CFAP53: variants seen among roughly 807,000 people sequenced by gnomAD.
CFAP53 encodes cilia and flagella associated protein 53, also known as cilia- and flagella-associated protein 53.
In CFAP53, 62 loss-of-function variants were observed where a neutral mutation model predicts 59.7. The observed-to-expected ratio is 1.04, with a 90% CI of 0.85 to 1.28. The LOEUF (loss-of-function observed/expected upper bound fraction) is 1.28. CFAP53 is among the 50% of genes most tolerant of loss of function. The pLI, the probability that CFAP53 is intolerant of heterozygous loss-of-function variation, is 0.00. For synonymous variants in CFAP53, 218 were observed against 205.7 expected, an observed-to-expected ratio of 1.06 and a Z score of -0.51; for missense variants, 629 against 615.6, an observed-to-expected ratio of 1.02 and a Z score of -0.23.
intron 3 of CFAP53, among the ~76,000 whole-genome samples, chr18:50,255,215 T>A (rs1752585029): frequency 6.6e-6 from 1 of 152,210 alleles, no homozygotes; most frequent in South Asian, 2.1e-4. Context: ...TGTGATTCCA[T>A]TTATATAACA....
chr18:50,240,625 T>G (rs975124307), intron 6 of CFAP53, among the ~76,000 whole-genome samples: 1 of 152,240 alleles, frequency 6.6e-6, no homozygotes, highest in African/African-American at 2.4e-5. Context: ...CATCTCTCTC[T>G]GTGCTGACTT....
At chr18:50,254,133 A>AT (rs35135806) in intron 3 of CFAP53, among the ~76,000 whole-genome samples, 95,670 of 131,624 alleles carry the variant, frequency 0.73, 31,381 homozygotes, top group East Asian at 0.83. Flanking sequence ...AGAAAAAACC[A>AT]TTTAAAAAAA....
At chr18:50,241,907 A>G (rs748997968) in intron 6 of CFAP53, among the ~76,000 whole-genome samples, 5 of 152,162 alleles carry the variant, frequency 3.3e-5, no homozygotes, top group Admixed American at 3.3e-4. Context: ...GAATTTCCCA[A>G]TCCTAGTAAG....
intron 5 of CFAP53, among the ~76,000 whole-genome samples, chr18:50,249,862 G>A (rs1272074847): frequency 6.6e-6 from 1 of 152,196 alleles, no homozygotes; most frequent in Non-Finnish European, 1.5e-5. Context: ...GGGAACCAGA[G>A]TAAAGGGTAC....
At chr18:50,248,484 C>T (rs1201948211) in intron 5 of CFAP53, among the ~76,000 whole-genome samples, 1 of 152,082 alleles carries the variant, frequency 6.6e-6, no homozygotes, top group Non-Finnish European at 1.5e-5. Context: ...GCATTTATCT[C>T]ATAGAAATGA....
At chr18:50,228,205 C>T (rs897929129) in intron 7 of CFAP53, among the ~76,000 whole-genome samples, 1 of 150,862 alleles carries the variant, frequency 6.6e-6, no homozygotes. Context: ...GTGATCTGCC[C>T]GCCTCAGCCT....
Position 50,238,592 on chromosome 18 carries a change from C to CA in CFAP53, c.1316+10dup. 6.3e-7 allele frequency: 1 copy of CA among 1,599,292 alleles called. No homozygotes were observed. The highest frequency in any genetic ancestry group is 8.5e-7 in the Non-Finnish European group (1 of 1,170,024). ...AGGTAGCAAATGATGATACAGAAAA[C>CA]AAAATCATACCTTGCAAAATTCTCC... is the stretch of plus-strand genomic sequence containing the variant. On this transcript the variant is annotated intron_variant, in intron 7 of 7. Transcript: ENST00000398545.
chr18:50,245,976 C>A (rs879887819), intron 5 of CFAP53, among the ~76,000 whole-genome samples: 1 of 152,120 alleles, frequency 6.6e-6, no homozygotes, highest in Admixed American at 6.5e-5. Flanking sequence ...CTGCAACGTC[C>A]GCCTCCCGGA....
chr18:50,242,440 A>C (rs2033699232), intron 6 of CFAP53, among the ~76,000 whole-genome samples: 1 of 152,268 alleles, frequency 6.6e-6, no homozygotes, highest in Non-Finnish European at 1.5e-5. Flanking sequence ...AAATTATAAA[A>C]GTATTAATTT....
chr18:50,236,293 A>G (rs971312729), intron 7 of CFAP53, among the ~76,000 whole-genome samples: 1 of 151,988 alleles, frequency 6.6e-6, no homozygotes, highest in African/African-American at 2.4e-5. Flanking sequence ...GAGTTTTCCT[A>G]CTTTCTCTAG....
intron 5 of CFAP53, among the ~76,000 whole-genome samples, chr18:50,247,504 C>T (rs1164382527): frequency 1.3e-5 from 2 of 152,160 alleles, no homozygotes; most frequent in Non-Finnish European, 2.9e-5. Flanking sequence ...AAAATGTGTA[C>T]ATGAATGTTC....
Position 50,243,087 on chromosome 18 carries a change from G to T in CFAP53, c.1026C>A (p.Tyr342Ter). ...REDMIREQKIYHKYLAQRREE... is the reference protein window; with the variant it reads ...REDMIREQKI ...CACGTCTCTGTGCCAAATATTTATG[G>T]TATATCTTCTGTTCTCTTATCATAT... Residue 342 changes from tyrosine (Y) to a stop codon, truncating the protein, a stop_gained, in exon 6 of 8, where the codon TAC (tyrosine) becomes TAA (stop). Coordinates refer to ENST00000398545, the MANE Select transcript of CFAP53 (RefSeq NM_145020.5). LOFTEE classifies it high-confidence loss of function. 1 of 1,612,462 alleles carries T rather than the reference G, an allele frequency of 6.2e-7. No individual in the cohort carries two copies. Among genetic ancestry groups the T allele is most frequent in the Non-Finnish European group, 8.5e-7 (1 of 1,179,206 alleles).
In CFAP53 at chr18:50,250,761, T is replaced by C. The variant is rs780902052; in HGVS notation, c.993A>G (p.Lys331=). 37 of 1,613,776 alleles carry C rather than the reference T, an allele frequency of 2.3e-5. No individual in the cohort carries two copies. The Middle Eastern group carries it at 4.9e-4, about 22-fold the overall frequency. ...LQEEADKKKQ[K]REDMIREQKI... The stretch of plus-strand genomic sequence containing the variant: ...AGGCACCAAAAAAATGTCTTACTCT[T>C]TTTTGTTTCTTTTTATCTGCCTCTT... Residue 331 remains lysine, a synonymous_variant, in exon 5 of 8, where the codon AAA becomes AAG. Transcript: ENST00000398545.
Position 50,262,047 on chromosome 18 carries a change from G to A in CFAP53, c.242C>T (p.Ala81Val), listed in dbSNP as rs751445197. 3.1e-6 allele frequency: 5 copies of A among 1,613,954 alleles called. No individual in the cohort carries two copies. In the African/African-American group the frequency reaches 6.7e-5, roughly 22 times the overall value. Residue 81 changes from alanine (A) to valine (V), a missense_variant, in exon 2 of 8, where the codon GCA becomes GTA. Coordinates refer to ENST00000398545, the MANE Select transcript of CFAP53 (RefSeq NM_145020.5). ...DCKILDSLVR[A>V]RIKDAVQGFI... is the part of the protein sequence containing the mutation. ...CCCTTGCACAGCATCCTTGATTCTTGCTCGCACAAGGCTGTCCAAAATCTT... is the reference window on the plus strand; with the variant it reads ...CCCTTGCACAGCATCCTTGATTCTTACTCGCACAAGGCTGTCCAAAATCTT...
chr18:50,254,718 A>C (rs1300786482), intron 3 of CFAP53, among the ~76,000 whole-genome samples: 1 of 152,126 alleles, frequency 6.6e-6, no homozygotes, highest in East Asian at 1.9e-4. Context: ...GAGAAACTGC[A>C]TCTCTACTAA....
intron 5 of CFAP53, among the ~76,000 whole-genome samples, chr18:50,243,417 T>G (rs974606954): frequency 1.2e-4 from 18 of 152,266 alleles, no homozygotes; most frequent in African/African-American, 4.3e-4. Flanking sequence ...AATAAATGTT[T>G]GAATAAGTTA....
At chr18:50,258,754 T>C (rs1405211255) in intron 3 of CFAP53, among the ~76,000 whole-genome samples, 4 of 152,034 alleles carry the variant, frequency 2.6e-5, no homozygotes, top group South Asian at 4.1e-4. Context: ...AACAACTCCA[T>C]AAGAAAAAAA....
Position 50,238,590 on chromosome 18 carries a change from A to G in CFAP53, c.1316+13T>C. On this transcript the variant is annotated intron_variant, in intron 7 of 7. Coordinates refer to ENST00000398545, the MANE Select transcript of CFAP53 (RefSeq NM_145020.5). ...TTAGGTAGCAAATGATGATACAGAA[A>G]ACAAAATCATACCTTGCAAAATTCT... 2 of 1,595,830 alleles carry G rather than the reference A, an allele frequency of 1.3e-6. No homozygotes were observed. The highest frequency in any genetic ancestry group is 1.7e-6 in the Non-Finnish European group (2 of 1,166,578).
In CFAP53 at chr18:50,251,491, G is replaced by GC. The variant is rs1371207237; in HGVS notation, c.766dup (p.Ala256GlyfsTer7). ...ATTTTAAAGGCCCACCACAAGGCGTGCCTCCTCTTCCTTCAGCAGCTGTGT... is the reference window on the plus strand; with the variant it reads ...ATTTTAAAGGCCCACCACAAGGCGTGCCCTCCTCTTCCTTCAGCAGCTGTGT... On this transcript the variant is annotated frameshift_variant, in exon 4 of 8. Coordinates refer to ENST00000398545, the MANE Select transcript of CFAP53 (RefSeq NM_145020.5). LOFTEE classifies it high-confidence loss of function. The GC allele has an allele frequency of 6.2e-7, 1 of 1,612,732 alleles. No homozygotes were observed. The highest frequency in any genetic ancestry group is 8.5e-7 in the Non-Finnish European group (1 of 1,179,776).
Sources: allele counts gnomAD v4.1 joint callset (sites outside exome capture counted in the v4.1 genomes callset), GRCh38; gene constraint gnomAD v4.1.1; transcripts MANE v1.5; gene names NCBI Gene and HGNC (gene_info 2026-07-23, HGNC 2026-07-21).